Variants in GULP1 observed in about 807,000 individuals in gnomAD.
The protein encoded by GULP1 is PTB domain-containing engulfment adapter protein 1.
Under a neutral mutation model 40.9 loss-of-function variants are expected in GULP1, and 19 were observed. The ratio of observed to expected loss-of-function variants is 0.46; its 90% CI spans 0.32 to 0.68. GULP1 has a LOEUF of 0.68. Ranked by LOEUF, GULP1 falls within the 30% of genes least tolerant of loss-of-function variation. The probability of loss-of-function intolerance (pLI) is 0.03; values close to 1 mark genes in which losing one functional copy is unlikely to be tolerated. For missense variants in GULP1, 312 were observed against 362.2 expected, an observed-to-expected ratio of 0.86 and a Z score of 1.12; for synonymous variants, 119 against 117.6, an observed-to-expected ratio of 1.01 and a Z score of -0.08.
chr2:188,538,482 T>C (rs1689523666), intron 6 of GULP1, among the ~76,000 whole-genome samples: 1 of 152,114 alleles, frequency 6.6e-6, no homozygotes, highest in African/African-American at 2.4e-5. Context: ...TTCAATTATA[T>C]TGCATATTAA....
chr2:188,318,029 GA>G (rs2039385703), intron 1 of GULP1, among the ~76,000 whole-genome samples: 1 of 151,870 alleles, frequency 6.6e-6, no homozygotes, highest in Admixed American at 6.6e-5. Flanking sequence ...ATTGATGAGT[GA>G]AAAAACTTTT....
intron 2 of GULP1, among the ~76,000 whole-genome samples, chr2:188,400,349 A>G (rs555897604): frequency 6.6e-6 from 1 of 152,288 alleles, no homozygotes; most frequent in Admixed American, 6.5e-5. Flanking sequence ...GCATCTACAA[A>G]GACCATATTT....
intron 6 of GULP1, among the ~76,000 whole-genome samples, chr2:188,540,223 C>A (rs2153313463): frequency 6.6e-6 from 1 of 152,028 alleles, no homozygotes; most frequent in East Asian, 1.9e-4. Flanking sequence ...TTGTCATAAT[C>A]AAAAACATTG....
chr2:188,580,376 AC>A (rs1309893960), intron 9 of GULP1, among the ~76,000 whole-genome samples: 3 of 151,636 alleles, frequency 2.0e-5, no homozygotes, highest in Non-Finnish European at 4.4e-5. Context: ...AAACGGTGAA[AC>A]CCCGTCTCTA....
chr2:188,475,582 G>A (rs948431382), intron 2 of GULP1, among the ~76,000 whole-genome samples: 2 of 151,946 alleles, frequency 1.3e-5, no homozygotes, highest in Non-Finnish European at 2.9e-5. Flanking sequence ...TGAAATTTGA[G>A]TAGTGGACAG....
At chr2:188,449,414 A>T (rs773967183) in intron 2 of GULP1, among the ~76,000 whole-genome samples, 2 of 152,074 alleles carry the variant, frequency 1.3e-5, no homozygotes, top group Non-Finnish European at 2.9e-5. Flanking sequence ...TATGATTTGC[A>T]GCTTTGGCCT....
chr2:188,416,065 C>G (rs1009782443), intron 2 of GULP1, among the ~76,000 whole-genome samples: 6 of 152,124 alleles, frequency 3.9e-5, no homozygotes, highest in African/African-American at 1.4e-4. Context: ...TGGGAATATA[C>G]TTTAGAATTT....
intron 7 of GULP1, among the ~76,000 whole-genome samples, chr2:188,551,851 T>G (rs913721179): frequency 6.6e-6 from 1 of 151,870 alleles, no homozygotes; most frequent in African/African-American, 2.4e-5. Context: ...TCTTTTGTCT[T>G]TTTGACAATA....
At chr2:188,325,521 TAAAAC>T (rs2040631465) in intron 1 of GULP1, among the ~76,000 whole-genome samples, 2 of 152,236 alleles carry the variant, frequency 1.3e-5, no homozygotes, top group African/African-American at 2.4e-5. Context: ...GTGGTGATAA[TAAAAC>T]AAAACATTCT....
At chr2:188,394,447 A>T (rs909408062) in intron 2 of GULP1, among the ~76,000 whole-genome samples, 46 of 152,180 alleles carry the variant, frequency 3.0e-4, no homozygotes, top group African/African-American at 1.1e-3. Flanking sequence ...TTAAAAAAAA[A>T]TTAAGTTAGT....
chr2:188,486,007 G>A (rs1207257471), intron 4 of GULP1, among the ~76,000 whole-genome samples: 7 of 151,928 alleles, frequency 4.6e-5, no homozygotes, highest in Admixed American at 1.3e-4. Flanking sequence ...GAATAACTGG[G>A]CACTATAACT....
rs953700382 is a variant in GULP1 at position 188,569,049 on chromosome 2, G to A, written c.400-190G>A. Among the ~76,000 whole-genome samples the A allele has an allele frequency of 2.0e-5, 3 of 152,010 alleles. No individual in the cohort carries two copies. The South Asian group carries it at 6.2e-4, about 32-fold the overall frequency. ...GCTTGTTTTTTCAATGTTGTGCCTG[G>A]GTAGGTGTTGAGTTATTACATTAGC... On this transcript the variant is annotated intron_variant, in intron 7 of 11. Transcript: ENST00000409830.
At chr2:188,582,995 G>A (rs933064553) in intron 9 of GULP1, among the ~76,000 whole-genome samples, 1 of 152,144 alleles carries the variant, frequency 6.6e-6, no homozygotes, top group Non-Finnish European at 1.5e-5. Context: ...GAAGATTAAA[G>A]AGGGACAGAG....
intron 2 of GULP1, among the ~76,000 whole-genome samples, chr2:188,407,823 A>G (rs1252438871): frequency 6.6e-6 from 1 of 152,218 alleles, no homozygotes; most frequent in African/African-American, 2.4e-5. Flanking sequence ...AATGGATTAA[A>G]TTCTCCCATC....
intron 4 of GULP1, among the ~76,000 whole-genome samples, chr2:188,486,422 T>G (rs563984229): frequency 3.3e-4 from 50 of 152,126 alleles, no homozygotes; most frequent in African/African-American, 1.1e-3. Flanking sequence ...AAAAGATTCC[T>G]ACTACTTCAC....
chr2:188,538,938 A>G (rs1266179172), intron 6 of GULP1, among the ~76,000 whole-genome samples: 1 of 152,100 alleles, frequency 6.6e-6, no homozygotes, highest in Non-Finnish European at 1.5e-5. Flanking sequence ...ATGAGACAGG[A>G]TTTTTAAATA....
intron 2 of GULP1, among the ~76,000 whole-genome samples, chr2:188,455,872 A>G (rs974646692): frequency 6.6e-5 from 10 of 152,202 alleles, no homozygotes; most frequent in African/African-American, 2.4e-4. Flanking sequence ...CATATGGACA[A>G]TAAAGTCCAG....
intron 2 of GULP1, among the ~76,000 whole-genome samples, chr2:188,405,820 A>G (rs949659263): frequency 6.6e-6 from 1 of 152,192 alleles, no homozygotes; most frequent in South Asian, 2.1e-4. Context: ...GGCTTACCCA[A>G]ACAAAACTAG....
chr2:188,301,011 G>GTTTA (rs2036033110), intron 1 of GULP1, among the ~76,000 whole-genome samples: 1 of 151,926 alleles, frequency 6.6e-6, no homozygotes, highest in Non-Finnish European at 1.5e-5. Context: ...CCAGGTTCCT[G>GTTTA]TTTATTTATT....
Sources: gnomAD v4.1 joint callset for allele counts (sites outside exome capture counted in the v4.1 genomes callset) on GRCh38, gnomAD v4.1.1 for gene constraint, MANE v1.5 for transcripts, NCBI Gene and HGNC (gene_info 2026-07-23, HGNC 2026-07-21) for gene names.